Variants in ZNF615 observed in about 807,000 individuals in gnomAD.
ZNF615 encodes the protein zinc finger protein 615.
Under a neutral mutation model 15.3 loss-of-function variants are expected in ZNF615, and 15 were observed. That is an observed-to-expected ratio of 0.98 (90% CI 0.66 to 1.51). The LOEUF is 1.51. Among genes scored for constraint, ZNF615 ranks in the 40% most tolerant of loss-of-function variants. ZNF615 has a pLI of 0.00. For synonymous variants in ZNF615, 268 were observed against 294.6 expected, an observed-to-expected ratio of 0.91 and a Z score of 0.92; for missense variants, 848 against 895.9, an observed-to-expected ratio of 0.95 and a Z score of 0.68.
chr19:52,008,101 T>TC, intron 1 of ZNF615, 40 bp downstream of exon 1: 1 of 1,528,992 alleles, frequency 6.5e-7, no homozygotes, highest in Non-Finnish European at 8.8e-7. Context: ...CAGAATTTCC[T>TC]CCCCCGTCAC....
intron 3 of ZNF615, 40 bp downstream of exon 3, chr19:52,003,657 T>C (rs754975843): frequency 7.7e-6 from 12 of 1,564,262 alleles, no homozygotes; most frequent in Admixed American, 3.5e-5. Flanking sequence ...TAAAAATACA[T>C]TGGAGAATAA....
chr19:51,993,175 C>A lies in ZNF615; in HGVS notation c.1934G>T (p.Arg645Met), dbSNP rs2086288470. 6.2e-7 allele frequency: 1 copy of A among 1,614,160 alleles called. No homozygotes were observed. The highest frequency in any genetic ancestry group is 8.5e-7 in the Non-Finnish European group (1 of 1,180,032). Residue 645 changes from arginine to methionine, a missense_variant, in exon 7 of 7, where the codon AGG (arginine) becomes ATG (methionine). Physicochemically the swap from Arg to Met is moderately conservative, Grantham distance 91. Transcript: ENST00000598071. ...ATGTTGTATGAGGCATGTCTTCTTC[C>A]TGAAGGTTTTATCACATTCATTGCA... ...YKCNECDKTF[R>M]KKTCLIQHQR...
intron 6 of ZNF615, among the ~76,000 whole-genome samples, chr19:51,999,197 C>T (rs142436000): frequency 2.6e-5 from 4 of 152,160 alleles, no homozygotes; most frequent in South Asian, 2.1e-4. Flanking sequence ...AATGCATTGT[C>T]GAAAGAAGTC....
At chr19:51,998,657 A>G (rs1011112655) in intron 6 of ZNF615, among the ~76,000 whole-genome samples, 10 of 152,126 alleles carry the variant, frequency 6.6e-5, no homozygotes, top group Non-Finnish European at 1.3e-4. Context: ...ATCAAAACAC[A>G]AGTTTTGGGT....
intron 6 of ZNF615, among the ~76,000 whole-genome samples, chr19:51,996,402 A>AAAAAAAAAAAAAAAAAC (rs1555771241): frequency 8.9e-5 from 12 of 134,316 alleles, no homozygotes; most frequent in African/African-American, 2.9e-4. Flanking sequence ...AAAAAAAAAA[A>AAAAAAAAAAAAAAAAAC]AAAAAACGCA....
In ZNF615 at chr19:52,007,293, C is replaced by T; in HGVS notation, c.-190G>A. 1.6e-6 allele frequency: 2 copies of T among 1,288,664 alleles called. No individual in the cohort carries two copies. Among genetic ancestry groups the T allele is most frequent in the Non-Finnish European group, 1.0e-6 (1 of 988,132 alleles). 79.8% of individuals were successfully genotyped at this position (1,288,664 alleles called of 1,614,324 possible). A position where few individuals can be genotyped will look rare whatever the true frequency, so the allele number is the denominator to read the frequency against. ...GTTATCTTTGAGTAACCGAGCTTAC[C>T]ATGGCAGAGATGTTATCTTACTTGT... On this transcript the variant is annotated splice_region_variant and 5_prime_UTR_variant, in exon 2 of 7. An upstream start codon of the reference 5' UTR is lost. Transcript: ENST00000598071.
chr19:52,007,927 C>T, intron 1 of ZNF615: 1 of 543,862 alleles, frequency 1.8e-6, no homozygotes, highest in Non-Finnish European at 3.3e-6. Flanking sequence ...CAGAGGTACC[C>T]CGATCACACA....
intron 2 of ZNF615, among the ~76,000 whole-genome samples, chr19:52,004,260 C>T (rs2086686206): frequency 1.3e-5 from 2 of 152,124 alleles, no homozygotes; most frequent in Non-Finnish European, 2.9e-5. Flanking sequence ...ACCATGTGTA[C>T]CCATCTACCT....
chr19:51,996,076 T>G (rs944931082), intron 6 of ZNF615, among the ~76,000 whole-genome samples: 2 of 152,016 alleles, frequency 1.3e-5, no homozygotes, highest in African/African-American at 4.8e-5. Flanking sequence ...AAGTGAGGAC[T>G]CAAAGATTAT....
rs200262728 is a variant in ZNF615, at chr19:51,993,889, C to T, written c.1220G>A (p.Gly407Glu). 2.3e-4 allele frequency: 374 copies of T among 1,614,012 alleles called. 1 individual carries two copies. The highest frequency in any genetic ancestry group is 3.0e-4 in the Non-Finnish European group (354 of 1,180,030). ...SLITHQQTHTGEKLYTCSECG... is the reference protein window; with the variant it reads ...SLITHQQTHTEEKLYTCSECG... ...TTCACTACATGTATATAATTTCTCT[C>T]CTGTATGAGTTTGCTGATGTGTGAT... The change falls in exon 7 of 7, where the codon GGA (glycine) becomes GAA (glutamate). Residue 407 changes from glycine to glutamate, a missense_variant. Coordinates refer to ENST00000598071, the MANE Select transcript of ZNF615 (RefSeq NM_001199324.2).
chr19:51,999,015 G>C (rs889915721), intron 6 of ZNF615, among the ~76,000 whole-genome samples: 1 of 152,094 alleles, frequency 6.6e-6, no homozygotes, highest in South Asian at 2.1e-4. Flanking sequence ...CTGGGACTAG[G>C]TGTCATCAAA....
Position 51,997,524 on chromosome 19 carries a change from G to A in ZNF615, c.272-2687C>T, listed in dbSNP as rs550602616. Among the ~76,000 whole-genome samples the A allele has an allele frequency of 7.6e-4, 115 of 152,268 alleles. 1 individual carries two copies. The South Asian group carries it at 8.7e-3, about 12-fold the overall frequency. Reference sequence around the variant, plus strand: ...TGACCTAACTGGATCATACTATCCCGTGTTGCTACAGAAAGAGGGAACAAT... The same window carrying A: ...TGACCTAACTGGATCATACTATCCCATGTTGCTACAGAAAGAGGGAACAAT... On this transcript the variant is annotated intron_variant, in intron 6 of 6. Transcript: ENST00000598071.
intron 6 of ZNF615, among the ~76,000 whole-genome samples, chr19:51,997,437 A>C (rs534733051): frequency 6.6e-6 from 1 of 152,300 alleles, no homozygotes; most frequent in Admixed American, 6.5e-5. Context: ...CCATTAAACT[A>C]ATTTTCCCAA....
chr19:51,993,986 G>A lies in ZNF615; in HGVS notation c.1123C>T (p.Arg375Ter), dbSNP rs753320956. ...IEKRRLTAHH[R>*]THTGEKPFIC... ...AAGGGTTTCTCACCAGTATGAGTTC[G>A]ATGATGTGCAGTAAGACGCCTCTTC... Residue 375 changes from arginine (R) to a stop codon, truncating the protein, a stop_gained, in exon 7 of 7, where the codon CGA becomes TGA. Transcript: ENST00000598071. LOFTEE classifies it low-confidence loss of function (END_TRUNC). The A allele has an allele frequency of 2.5e-5, 41 of 1,611,930 alleles. No individual in the cohort carries two copies. Among genetic ancestry groups the A allele is most frequent in the East Asian group, 6.7e-5 (3 of 44,786 alleles).
chr19:52,004,229 T>G (rs374562760), intron 2 of ZNF615, among the ~76,000 whole-genome samples: 1 of 152,186 alleles, frequency 6.6e-6, no homozygotes, highest in Non-Finnish European at 1.5e-5. Flanking sequence ...ACAGTTAAGA[T>G]GCACACATTT....
intron 6 of ZNF615, 133 bp downstream of exon 6, chr19:52,000,213 G>A: frequency 2.3e-6 from 1 of 439,850 alleles, no homozygotes; most frequent in Non-Finnish European, 4.0e-6. Flanking sequence ...TAGACACTGG[G>A]GACTCCAAGA....
At chr19:52,003,589 G>A in intron 3 of ZNF615, 108 bp downstream of exon 3, 1 of 1,009,874 alleles carries the variant, frequency 9.9e-7, no homozygotes, top group Admixed American at 2.1e-5. Flanking sequence ...ATTTCTCCAG[G>A]TCCTGATATT....
intron 2 of ZNF615, among the ~76,000 whole-genome samples, chr19:52,006,042 A>C (rs2086743469): frequency 6.6e-6 from 1 of 152,212 alleles, no homozygotes; most frequent in African/African-American, 2.4e-5. Flanking sequence ...ATACCTGGTA[A>C]CCCAAAACCC....
rs141919507 is a variant in ZNF615 at position 52,008,195 on chromosome 19, G to A, written c.-282C>T. Reference sequence around the variant, plus strand: ...TCTCTCGGCCTCCTCAGTGCCTGACGGCGACTATCCAGGGTCGGAGGCGTT... The same window carrying A: ...TCTCTCGGCCTCCTCAGTGCCTGACAGCGACTATCCAGGGTCGGAGGCGTT... On this transcript the variant is annotated 5_prime_UTR_variant, in exon 1 of 7. Coordinates refer to ENST00000598071, the MANE Select transcript of ZNF615 (RefSeq NM_001199324.2). 9.8e-6 allele frequency: 15 copies of A among 1,534,516 alleles called. No homozygotes were observed. In the Middle Eastern group the frequency reaches 6.7e-4, roughly 68 times the overall value.
Sources: allele counts gnomAD v4.1 joint callset (sites outside exome capture counted in the v4.1 genomes callset), GRCh38; gene constraint gnomAD v4.1.1; transcripts MANE v1.5; gene names NCBI Gene and HGNC (gene_info 2026-07-23, HGNC 2026-07-21).